RFX4: variants seen among roughly 807,000 people sequenced by gnomAD.
RFX4 encodes the protein regulatory factor X4.
RFX4 carries 10 observed loss-of-function variants against 95.0 expected under a neutral mutation model. The observed-to-expected ratio is 0.11, with a 90% CI of 0.06 to 0.18. The LOEUF is 0.18. Ranked by LOEUF, RFX4 falls within the 10% of genes least tolerant of loss-of-function variation. The pLI is 1.00. For missense variants in RFX4, 640 were observed against 922.0 expected, an observed-to-expected ratio of 0.69 and a Z score of 3.96; for synonymous variants, 321 against 340.7, an observed-to-expected ratio of 0.94 and a Z score of 0.64.
At chr12:106,703,637 G>A (rs1357381997) in intron 8 of RFX4, among the ~76,000 whole-genome samples, 1 of 152,106 alleles carries the variant, frequency 6.6e-6, no homozygotes. Flanking sequence ...ATGCTTTATA[G>A]GTGTTAAACA....
intron 2 of RFX4, 48 bp downstream of exon 2, chr12:106,608,931 T>C (rs17334075): frequency 0.12 from 179,556 of 1,548,484 alleles, 12,047 homozygotes; most frequent in Middle Eastern, 0.19. Flanking sequence ...ACATGGCCAA[T>C]GTCCTGATGG....
chr12:106,747,047 T>C lies in RFX4; in HGVS notation c.1634-390T>C, dbSNP rs145866315. On this transcript the variant is annotated intron_variant, in intron 15 of 17. Coordinates refer to ENST00000392842, the MANE Select transcript of RFX4 (RefSeq NM_213594.3). ...CCATTAATCTAATCACATTCACTAA[T>C]GGGTGTAGGATTACAAATTGCAGTA... Among the ~76,000 whole-genome samples the C allele has an allele frequency of 4.7e-3, 709 of 152,298 alleles. 3 individuals carry two copies. The highest frequency in any genetic ancestry group is 7.3e-3 in the Non-Finnish European group (494 of 68,028).
chr12:106,729,045 T>C (rs1399308015), intron 13 of RFX4, among the ~76,000 whole-genome samples: 1 of 152,222 alleles, frequency 6.6e-6, no homozygotes, highest in African/African-American at 2.4e-5. Flanking sequence ...AGCTCTGATG[T>C]TTTCTAAGAG....
At chr12:106,692,155 C>CA (rs57751037) in intron 7 of RFX4, among the ~76,000 whole-genome samples, 5,743 of 87,344 alleles carry the variant, frequency 0.066, 157 homozygotes, top group African/African-American at 0.085. Context: ...GACTCCATCT[C>CA]AAAAAAAAAA....
At chr12:106,672,706 A>T (rs1002252248) in intron 4 of RFX4, among the ~76,000 whole-genome samples, 1 of 148,702 alleles carries the variant, frequency 6.7e-6, no homozygotes, top group African/African-American at 2.5e-5. Context: ...GGACCAGTTG[A>T]TTATTTGGTG....
At chr12:106,679,143 T>C (rs2041452423) in intron 4 of RFX4, among the ~76,000 whole-genome samples, 1 of 152,216 alleles carries the variant, frequency 6.6e-6, no homozygotes, top group African/African-American at 2.4e-5. Context: ...AAAATGTCTG[T>C]GAATAACAGA....
intron 2 of RFX4, among the ~76,000 whole-genome samples, chr12:106,621,913 C>T (rs2040194702): frequency 6.6e-6 from 1 of 152,164 alleles, no homozygotes; most frequent in Admixed American, 6.5e-5. Context: ...TCCTCTAGTC[C>T]TGTCTGCATT....
Position 106,720,681 on chromosome 12 carries a change from C to G in RFX4, c.1234-78C>G. 7.1e-7 allele frequency: 1 copy of G among 1,412,240 alleles called. No individual in the cohort carries two copies. The highest frequency in any genetic ancestry group is 1.2e-5 in the South Asian group (1 of 86,396). The allele number at this position is 1,412,240 out of a possible 1,614,324, so 87.5% of individuals were successfully genotyped here. A position where few individuals can be genotyped will look rare whatever the true frequency, so the allele number is the denominator to read the frequency against. ...GGATTACAGGCGTGAGCCACTTCAA[C>G]CGGCCTCATTTTTCAAAGAGACAGT... is the stretch of plus-strand genomic sequence containing the variant. On this transcript the variant is annotated intron_variant, in intron 12 of 17. Coordinates refer to ENST00000392842, the MANE Select transcript of RFX4 (RefSeq NM_213594.3). The surrounding 1 kb of genome is among the most constrained non-coding windows in gnomAD (Gnocchi z 4.2).
At chr12:106,624,626 C>CT (rs968582321) in intron 2 of RFX4, among the ~76,000 whole-genome samples, 265 of 151,252 alleles carry the variant, frequency 1.8e-3, no homozygotes, top group African/African-American at 5.1e-3. Flanking sequence ...CTCGCCCGGG[C>CT]TTTTTTTTTG....
intron 15 of RFX4, among the ~76,000 whole-genome samples, chr12:106,740,030 G>T (rs1187179127): frequency 6.6e-6 from 1 of 152,174 alleles, no homozygotes; most frequent in African/African-American, 2.4e-5. Flanking sequence ...CCTCGTTTAT[G>T]ATGTCATTTT....
chr12:106,656,389 C>T (rs1430811267), intron 4 of RFX4, among the ~76,000 whole-genome samples: 1 of 152,206 alleles, frequency 6.6e-6, no homozygotes. Context: ...ATCAGAGAGT[C>T]CTGTGTTATA....
chr12:106,636,988 C>T (rs2040528090), intron 2 of RFX4, among the ~76,000 whole-genome samples: 1 of 152,156 alleles, frequency 6.6e-6, no homozygotes, highest in East Asian at 1.9e-4. Flanking sequence ...AGGCCAGAAT[C>T]TCTCACTCCT....
intron 8 of RFX4, among the ~76,000 whole-genome samples, chr12:106,702,784 T>C (rs930449251): frequency 6.6e-6 from 1 of 152,184 alleles, no homozygotes; most frequent in Non-Finnish European, 1.5e-5. Flanking sequence ...TCAACAGTGT[T>C]TTCTGCTTTT....
chr12:106,745,411 C>G (rs1238574563), intron 15 of RFX4, among the ~76,000 whole-genome samples: 3 of 152,170 alleles, frequency 2.0e-5, no homozygotes, highest in Non-Finnish European at 4.4e-5. Flanking sequence ...CTAAAAGATT[C>G]TTCAATTTAT....
intron 8 of RFX4, 141 bp downstream of exon 8, chr12:106,696,587 G>C (rs2041884807): frequency 1.3e-6 from 1 of 784,456 alleles, no homozygotes; most frequent in Non-Finnish European, 1.9e-6. Context: ...AAATATTAAA[G>C]TTTATTTATA....
chr12:106,678,850 T>A (rs568138073), intron 4 of RFX4, among the ~76,000 whole-genome samples: 2 of 152,348 alleles, frequency 1.3e-5, no homozygotes, highest in South Asian at 4.1e-4. Context: ...ATTTCATAAT[T>A]TCTACCGTGT....
chr12:106,733,106 A>T, intron 15 of RFX4, 21 bp downstream of exon 15: 1 of 1,612,016 alleles, frequency 6.2e-7, no homozygotes, highest in Non-Finnish European at 8.5e-7. Context: ...GTCCTTCAAA[A>T]ACTTTGGGTA....
intron 6 of RFX4, 83 bp downstream of exon 6, chr12:106,687,180 TCTCACACA>T (rs1319382818): frequency 1.7e-4 from 118 of 681,316 alleles, no homozygotes; most frequent in African/African-American, 9.3e-4. Context: ...TCTCTCTCTC[TCTCACACA>T]CACACACACA....
intron 11 of RFX4, among the ~76,000 whole-genome samples, chr12:106,719,606 G>A (rs756598069): frequency 2.0e-5 from 3 of 152,104 alleles, no homozygotes; most frequent in African/African-American, 4.8e-5. Flanking sequence ...CAAGGGGCAT[G>A]GAAGGTTAAA....
Sources: gnomAD v4.1 joint callset for allele counts (sites outside exome capture counted in the v4.1 genomes callset) on GRCh38, gnomAD v4.1.1 for gene constraint, Gnocchi (gnomAD v3.1) non-coding constraint, MANE v1.5 for transcripts, NCBI Gene and HGNC (gene_info 2026-07-23, HGNC 2026-07-21) for gene names.